Variants in PDE10A observed in about 807,000 individuals in gnomAD.
The protein encoded by PDE10A is cAMP and cAMP-inhibited cGMP 3',5'-cyclic phosphodiesterase 10A.
PDE10A carries 39 observed loss-of-function variants against 97.7 expected under a neutral mutation model. The observed-to-expected ratio is 0.40, with a 90% CI of 0.31 to 0.52. The LOEUF (loss-of-function observed/expected upper bound fraction) is 0.52, where lower values mean the gene tolerates loss of function less well. PDE10A is among the 20% of genes least tolerant of loss of function. PDE10A has a pLI of 0.56. For synonymous variants in PDE10A, 371 were observed against 376.8 expected, an observed-to-expected ratio of 0.98 and a Z score of 0.18; for missense variants, 731 against 1,047.8, an observed-to-expected ratio of 0.70 and a Z score of 4.17.
At chr6:165,925,660 A>G (rs1782910765) in intron 1 of PDE10A, among the ~76,000 whole-genome samples, 1 of 152,248 alleles carries the variant, frequency 6.6e-6, no homozygotes, top group African/African-American at 2.4e-5. Flanking sequence ...ACATTCTTGA[A>G]ATAACAAACT....
intron 18 of PDE10A, among the ~76,000 whole-genome samples, chr6:165,347,818 T>C (rs1667977518): frequency 6.6e-6 from 1 of 152,134 alleles, no homozygotes; most frequent in South Asian, 2.1e-4. Context: ...ATTTGGGAAA[T>C]GCTAAAGAAA....
At chr6:165,725,752 C>T (rs893746293) in intron 1 of PDE10A, among the ~76,000 whole-genome samples, 1 of 152,188 alleles carries the variant, frequency 6.6e-6, no homozygotes, top group African/African-American at 2.4e-5. Context: ...GTTTGCCTCC[C>T]TTTCCATTAT....
At chr6:165,713,360 A>C (rs368547693) in intron 1 of PDE10A, among the ~76,000 whole-genome samples, 38 of 152,380 alleles carry the variant, frequency 2.5e-4, no homozygotes, top group East Asian at 9.6e-4. Context: ...GTGACCAGTG[A>C]CTAGGAGAAA....
At chr6:165,536,470 A>G (rs1783092813) in intron 2 of PDE10A, among the ~76,000 whole-genome samples, 1 of 151,896 alleles carries the variant, frequency 6.6e-6, no homozygotes, top group African/African-American at 2.4e-5. Context: ...TGATCACCTC[A>G]AGCTTAAAAA....
intron 2 of PDE10A, among the ~76,000 whole-genome samples, chr6:165,535,905 T>A (rs916171882): frequency 9.2e-5 from 14 of 152,036 alleles, no homozygotes; most frequent in Middle Eastern, 3.4e-3. Context: ...CCCAAAGCAA[T>A]CTACAGATTC....
intron 1 of PDE10A, among the ~76,000 whole-genome samples, chr6:165,843,110 G>T (rs1780306505): frequency 6.6e-6 from 1 of 152,338 alleles, no homozygotes; most frequent in South Asian, 2.1e-4. Context: ...CCAGCGCCCA[G>T]CCCCTGAGAA....
chr6:165,626,301 A>C (rs1167724396), intron 1 of PDE10A, among the ~76,000 whole-genome samples: 1 of 152,212 alleles, frequency 6.6e-6, no homozygotes, highest in Admixed American at 6.5e-5. Flanking sequence ...TTTGGATTAG[A>C]TGTTAAGATT....
At chr6:165,545,104 T>A (rs1436042180) in intron 1 of PDE10A, 1 of 483,808 alleles carries the variant, frequency 2.1e-6, no homozygotes, top group African/African-American at 2.0e-5. Context: ...TCATGCTCTC[T>A]TTAGGTCCTC....
Position 165,618,789 on chromosome 6 carries a change from A to C in PDE10A, c.865+43158T>G, listed in dbSNP as rs150350593. Among the ~76,000 whole-genome samples the C allele has an allele frequency of 3.2e-3, 486 of 152,310 alleles. 2 individuals carry two copies. Among genetic ancestry groups the C allele is most frequent in the Non-Finnish European group, 5.1e-3 (347 of 68,024 alleles). ...CTTGTTCACAAGAGAGTCGCAACTA[A>C]AACTGTGAACTTACCAATGAAATGT... is the stretch of plus-strand genomic sequence containing the variant. On this transcript the variant is annotated intron_variant, in intron 1 of 21. Coordinates refer to ENST00000539869, the MANE Select transcript of PDE10A (RefSeq NM_001385079.1).
At chr6:165,615,418 T>G (rs3008014) in intron 1 of PDE10A, among the ~76,000 whole-genome samples, 1 of 151,984 alleles carries the variant, frequency 6.6e-6, no homozygotes. Flanking sequence ...AAAATATTTC[T>G]AATACCAAAG....
At chr6:165,736,076 C>A (rs984176723) in intron 1 of PDE10A, among the ~76,000 whole-genome samples, 1 of 152,120 alleles carries the variant, frequency 6.6e-6, no homozygotes, top group African/African-American at 2.4e-5. Context: ...ACAGTAAGGA[C>A]AAGGGCTAAG....
chr6:165,576,418 A>T (rs369758393), intron 1 of PDE10A: 1 of 780,762 alleles, frequency 1.3e-6, no homozygotes. Context: ...TCACCTGTTA[A>T]ATGTTGGGAT....
chr6:165,794,471 C>T (rs1004563428), intron 1 of PDE10A, among the ~76,000 whole-genome samples: 2 of 151,700 alleles, frequency 1.3e-5, no homozygotes, highest in Admixed American at 6.6e-5. Context: ...CATGCATGCA[C>T]GCACACACTC....
rs373385013 is a variant in PDE10A at position 165,757,807 on chromosome 6, C to T, written c.-614-214239G>A. Among the ~76,000 whole-genome samples, 47 of 152,248 alleles carry T rather than the reference C, an allele frequency of 3.1e-4. 1 individual carries two copies. In the East Asian group the frequency reaches 5.8e-3, roughly 19 times the overall value. ...TTTTGCCATATGACCTTTGGAGTCA[C>T]CCTGTCCAATTAAAAATAATTTTTA... On this transcript the variant is annotated intron_variant, in intron 1 of 19. Transcript: ENST00000366882.
intron 3 of PDE10A, among the ~76,000 whole-genome samples, chr6:165,478,415 G>T (rs1779416358): frequency 6.6e-6 from 1 of 152,112 alleles, no homozygotes; most frequent in Admixed American, 6.5e-5. Context: ...GGGGGAGGGG[G>T]TTGGACATGT....
chr6:165,453,145 G>A (rs1777738077), intron 3 of PDE10A, among the ~76,000 whole-genome samples: 1 of 152,158 alleles, frequency 6.6e-6, no homozygotes, highest in South Asian at 2.1e-4. Context: ...ATGAACTCAA[G>A]TATCTGGTGG....
At chr6:165,361,256 C>A (rs114164489) in intron 18 of PDE10A, among the ~76,000 whole-genome samples, 272 of 152,194 alleles carry the variant, frequency 1.8e-3, no homozygotes, top group Non-Finnish European at 2.8e-3. Context: ...AATATATATT[C>A]TTTTTGAGTA....
intron 3 of PDE10A, among the ~76,000 whole-genome samples, chr6:165,480,411 A>G (rs929202630): frequency 6.6e-6 from 1 of 152,010 alleles, no homozygotes; most frequent in Non-Finnish European, 1.5e-5. Context: ...AACATGGAAA[A>G]ATCCCATCTC....
chr6:165,961,538 G>T (rs974105992), intron 1 of PDE10A, among the ~76,000 whole-genome samples: 1 of 152,166 alleles, frequency 6.6e-6, no homozygotes, highest in Admixed American at 6.5e-5. Flanking sequence ...TACCCATGAC[G>T]TCAGCGAGGG....
Sources: gnomAD v4.1 joint callset for allele counts (sites outside exome capture counted in the v4.1 genomes callset) on GRCh38, gnomAD v4.1.1 for gene constraint, MANE v1.5 for transcripts, NCBI Gene and HGNC (gene_info 2026-07-23, HGNC 2026-07-21) for gene names.